The following STRA6 variants were observed in gnomAD, a reference collection of about 807,000 sequenced individuals.
The protein encoded by STRA6 is receptor for retinol uptake STRA6.
In STRA6, 48 loss-of-function variants were observed where a neutral mutation model predicts 83.6. The observed-to-expected ratio is 0.57, with a 90% CI of 0.46 to 0.73. The LOEUF is 0.73. STRA6 is among the 30% of genes least tolerant of loss of function. The pLI, the probability that STRA6 is intolerant of heterozygous loss-of-function variation, is 0.00. For synonymous variants in STRA6, 353 were observed against 362.3 expected (o/e 0.97, Z 0.29); for missense variants, 760 against 838.8 (o/e 0.91, Z 1.16).
intron 1 of STRA6, 157 bp downstream of exon 1, chr15:74,202,556 C>T: frequency 6.8e-7 from 1 of 1,472,688 alleles, no homozygotes; most frequent in South Asian, 1.3e-5. Flanking sequence ...CCCCTTGGGG[C>T]CCCGGGGCTC....
chr15:74,203,912 G>C (rs1209967693), upstream of STRA6, among the ~76,000 whole-genome samples: 1 of 152,302 alleles, frequency 6.6e-6, no homozygotes, highest in East Asian at 1.9e-4. Context: ...GATGGGGATG[G>C]GGGTGGGGGA....
intron 13 of STRA6, 44 bp from the exon 14 acceptor site, chr15:74,184,033 A>G: frequency 6.2e-7 from 1 of 1,607,362 alleles, no homozygotes; most frequent in Non-Finnish European, 8.5e-7. Flanking sequence ...GGAGCAACAC[A>G]CTCTTCCTAA....
At position 74,196,838 on chromosome 15, in the gene STRA6, C is replaced by T. The variant is rs114201530; in HGVS notation, c.266+500G>A. Among the ~76,000 whole-genome samples, 527 of 152,346 alleles carry T rather than the reference C, an allele frequency of 3.5e-3. 5 individuals are homozygous for T. The highest frequency in any genetic ancestry group is 0.013 in the African/African-American group (523 of 41,576). On this transcript the variant is annotated intron_variant, in intron 4 of 18. Transcript: ENST00000395105. ...AACCCTTTGGTCTCTCGCACACTAG[C>T]TTGCCCAGCCCCATCTCCTCAGGAT... is the stretch of plus-strand genomic sequence containing the variant.
upstream of STRA6, chr15:74,207,683 G>A: frequency 6.5e-7 from 1 of 1,534,692 alleles, no homozygotes; most frequent in Non-Finnish European, 8.7e-7. Context: ...TGGGGGGATG[G>A]CCACTGTGCC....
At chr15:74,203,772 C>G (rs930413142), upstream of STRA6, among the ~76,000 whole-genome samples, 2 of 152,184 alleles carry the variant, frequency 1.3e-5, no homozygotes, top group Non-Finnish European at 2.9e-5. Flanking sequence ...TTGAGCTGGT[C>G]TGTACCATGG....
chr15:74,181,384 C>T lies in STRA6; in HGVS notation c.1595G>A (p.Arg532Gln), dbSNP rs2072978576. The T allele has an allele frequency of 1.2e-6, 2 of 1,613,226 alleles. No individual in the cohort carries two copies. The highest frequency in any genetic ancestry group is 2.2e-5 in the East Asian group (1 of 44,828). Reference protein sequence around the residue: ...VLVGAMVATWRVLLSALYNAI... With the variant: ...VLVGAMVATWQVLLSALYNAI... Reference sequence around the variant, plus strand: ...GTTGTAGAGGGCAGAGAGGAGCACTCGCCAGGTGGCCACCATGGCACCCAC... The same window carrying T: ...GTTGTAGAGGGCAGAGAGGAGCACTTGCCAGGTGGCCACCATGGCACCCAC... Residue 532 changes from arginine (R) to glutamine (Q), a missense_variant, in exon 17 of 19, where the codon CGA becomes CAA. Coordinates refer to ENST00000395105, the MANE Select transcript of STRA6 (RefSeq NM_022369.4).
upstream of STRA6, chr15:74,203,025 A>T: frequency 1.0e-6 from 1 of 985,836 alleles, no homozygotes; most frequent in Non-Finnish European, 1.2e-6. Flanking sequence ...CCTGCCCCAG[A>T]GCTCCCAAGC....
chr15:74,209,114 C>T (rs1395007212), upstream of STRA6: 19 of 1,319,946 alleles, frequency 1.4e-5, no homozygotes, highest in East Asian at 3.1e-5. Flanking sequence ...CCCTTGATTC[C>T]GGGATCAGAG....
upstream of STRA6, among the ~76,000 whole-genome samples, chr15:74,210,283 C>T (rs142729884): frequency 3.9e-4 from 59 of 152,304 alleles, no homozygotes; most frequent in South Asian, 5.8e-3. Flanking sequence ...TAATTGGCAA[C>T]AACCCCAATA....
chr15:74,209,224 C>A, upstream of STRA6: 1 of 1,088,300 alleles, frequency 9.2e-7, no homozygotes, highest in Non-Finnish European at 1.3e-6. Context: ...AGCCTCTCCA[C>A]ACCCCCAAAC....
rs778404556 is a variant in STRA6 at position 74,184,963 on chromosome 15, CAG to C, written c.1166+15_1166+16del. On this transcript the variant is annotated intron_variant, in intron 13 of 18. Coordinates refer to ENST00000395105, the MANE Select transcript of STRA6 (RefSeq NM_022369.4). ...TTCCCCACCTCGGCGCTGGGTGAGCCAGAGTCTGTCACTCACCTGTGTGTCAC... is the reference window on the plus strand; with the variant it reads ...TTCCCCACCTCGGCGCTGGGTGAGCCAGTCTGTCACTCACCTGTGTGTCAC... 3 of 1,613,034 alleles carry C rather than the reference CAG, an allele frequency of 1.9e-6. No individual in the cohort carries two copies. Among genetic ancestry groups the C allele is most frequent in the South Asian group, 2.2e-5 (2 of 90,916 alleles).
At chr15:74,209,215 G>A (rs2074329729), upstream of STRA6, 1 of 1,059,040 alleles carries the variant, frequency 9.4e-7, no homozygotes, top group African/African-American at 1.6e-5. Flanking sequence ...CAGCGGTATA[G>A]CCTCTCCACA....
chr15:74,202,467 T>C, intron 1 of STRA6, 185 bp from the exon 2 acceptor site: 2 of 1,536,088 alleles, frequency 1.3e-6, no homozygotes, highest in African/African-American at 1.4e-5. Flanking sequence ...CTGAGCAAGC[T>C]GGCACGGGAA....
At chr15:74,189,666 C>CTT (rs565194026) in intron 11 of STRA6, among the ~76,000 whole-genome samples, 10 of 140,528 alleles carry the variant, frequency 7.1e-5, no homozygotes, top group African/African-American at 1.3e-4. Flanking sequence ...ACAACTTCTT[C>CTT]TTTTTTTTTT....
intron 6 of STRA6, 55 bp downstream of exon 6, chr15:74,195,597 T>C: frequency 6.4e-7 from 1 of 1,554,938 alleles, no homozygotes; most frequent in Non-Finnish European, 8.7e-7. Flanking sequence ...GCAAGAACAC[T>C]AGGTTCAAAT....
At position 74,182,049 on chromosome 15, in the gene STRA6, T is replaced by C. The variant is rs552866644; in HGVS notation, c.1520+112A>G. The C allele has an allele frequency of 2.7e-4, 261 of 955,066 alleles. 3 individuals are homozygous for C. In the South Asian group the frequency reaches 3.4e-3, roughly 12 times the overall value. The allele number at this position is 955,066 out of a possible 1,614,324, so 59.2% of individuals were successfully genotyped here. ...CAAGCTCTTTCTACTATCATCTGGG[T>C]TCCTTGATAGAGAGAAGGGATAGAT... is the stretch of plus-strand genomic sequence containing the variant. On this transcript the variant is annotated intron_variant, in intron 16 of 18. Transcript: ENST00000395105.
chr15:74,193,961 TCTTCCC>T, intron 7 of STRA6, 39 bp from the exon 8 acceptor site: 1 of 1,608,626 alleles, frequency 6.2e-7, no homozygotes, highest in South Asian at 1.1e-5. Context: ...CTTTCCACCT[TCTTCCC>T]CCAGCCAAGA....
At chr15:74,182,594 T>C in intron 14 of STRA6, 134 bp from the exon 15 acceptor site, 1 of 702,960 alleles carries the variant, frequency 1.4e-6, no homozygotes, top group Non-Finnish European at 2.5e-6. Context: ...ACTGCCTAGC[T>C]ATGCTGCCTT....
chr15:74,180,699 T>C, intron 18 of STRA6, 83 bp downstream of exon 18: 3 of 1,518,334 alleles, frequency 2.0e-6, no homozygotes, highest in Non-Finnish European at 2.7e-6. Flanking sequence ...TGGCGCTCAC[T>C]CTGTGTGCTG....
Sources: allele counts gnomAD v4.1 joint callset (sites outside exome capture counted in the v4.1 genomes callset), GRCh38; gene constraint gnomAD v4.1.1; transcripts MANE v1.5; gene names NCBI Gene and HGNC (gene_info 2026-07-23, HGNC 2026-07-21).